FAM227B: variants seen among roughly 807,000 people sequenced by gnomAD.
FAM227B encodes the protein family with sequence similarity 227 member B, also known as protein FAM227B.
FAM227B carries 88 observed loss-of-function variants against 73.8 expected under a neutral mutation model. That is an observed-to-expected ratio of 1.19 (90% CI 1.00 to 1.42). The LOEUF is 1.42. FAM227B is among the 40% of genes most tolerant of loss of function. The probability of loss-of-function intolerance (pLI) is 0.00; values close to 1 mark genes in which losing one functional copy is unlikely to be tolerated. For missense variants in FAM227B, 632 were observed against 590.9 expected, an observed-to-expected ratio of 1.07 and a Z score of -0.72; for synonymous variants, 210 against 190.5, an observed-to-expected ratio of 1.10 and a Z score of -0.84.
intron 11 of FAM227B, among the ~76,000 whole-genome samples, chr15:49,374,430 G>A (rs1412078500): frequency 6.6e-6 from 1 of 152,164 alleles, no homozygotes; most frequent in Non-Finnish European, 1.5e-5. Flanking sequence ...AATGCCAGGA[G>A]AAATAGAGAA....
chr15:49,349,142 A>T (rs2041913898), intron 13 of FAM227B, among the ~76,000 whole-genome samples: 1 of 152,176 alleles, frequency 6.6e-6, no homozygotes, highest in Non-Finnish European at 1.5e-5. Flanking sequence ...ATTAAAAGAA[A>T]ATCCCTAACT....
chr15:49,363,220 G>A (rs77320779), intron 13 of FAM227B, among the ~76,000 whole-genome samples: 104 of 152,284 alleles, frequency 6.8e-4, no homozygotes, highest in African/African-American at 2.4e-3. Context: ...GGGCAGTATG[G>A]CCATTTAAAT....
chr15:49,370,514 T>C (rs2045737554), intron 12 of FAM227B, among the ~76,000 whole-genome samples: 1 of 152,224 alleles, frequency 6.6e-6, no homozygotes, highest in Non-Finnish European at 1.5e-5. Flanking sequence ...ATCCTTAGCC[T>C]CACTGTGAAG....
At position 49,402,460 on chromosome 15, in the gene FAM227B, T is replaced by G. The variant is rs148749093; in HGVS notation, c.1013-31061A>C. 3.2e-3 allele frequency among the ~76,000 whole-genome samples: 480 copies of G among 152,348 alleles called. 5 individuals are homozygous for G. The highest frequency in any genetic ancestry group is 0.011 in the South Asian group (52 of 4,830). On this transcript the variant is annotated intron_variant, in intron 11 of 15. Coordinates refer to ENST00000299338, the MANE Select transcript of FAM227B (RefSeq NM_152647.3). ...TGTGTCCTCCAATTTCTTTAAGCAGTCTTTTGTAGTTCTTACTGAAAAGGT... is the reference window on the plus strand; with the variant it reads ...TGTGTCCTCCAATTTCTTTAAGCAGGCTTTTGTAGTTCTTACTGAAAAGGT...
At chr15:49,456,520 T>A (rs948909243) in intron 11 of FAM227B, among the ~76,000 whole-genome samples, 1 of 152,144 alleles carries the variant, frequency 6.6e-6, no homozygotes, top group Non-Finnish European at 1.5e-5. Flanking sequence ...TTCTACTATA[T>A]GCAAGCATTC....
chr15:49,364,216 G>A lies in FAM227B; in HGVS notation c.1271+3232C>T, dbSNP rs2044728435. Among the ~76,000 whole-genome samples, 3 of 152,098 alleles carry A rather than the reference G, an allele frequency of 2.0e-5. No homozygotes were observed. The South Asian group carries it at 6.2e-4, about 32-fold the overall frequency. On this transcript the variant is annotated intron_variant, in intron 13 of 15. Transcript: ENST00000299338. Reference sequence around the variant, plus strand: ...CCAGCTCTTCTTTATATATCTGGTGGAATTCAGCTGTGAATCCATCTAGTC... The same window carrying A: ...CCAGCTCTTCTTTATATATCTGGTGAAATTCAGCTGTGAATCCATCTAGTC...
At chr15:49,351,361 C>T (rs934556369) in intron 13 of FAM227B, among the ~76,000 whole-genome samples, 13 of 152,180 alleles carry the variant, frequency 8.5e-5, no homozygotes, top group African/African-American at 2.7e-4. Flanking sequence ...AAAGAAGATA[C>T]GGCCAATTCC....
chr15:49,618,783 G>GT (rs1365439153), intron 1 of FAM227B, among the ~76,000 whole-genome samples: 3 of 152,196 alleles, frequency 2.0e-5, no homozygotes, highest in Non-Finnish European at 4.4e-5. Context: ...AGACATGGGG[G>GT]TAACAGATGA....
At chr15:49,541,431 T>A (rs1677969492) in intron 10 of FAM227B, among the ~76,000 whole-genome samples, 1 of 152,158 alleles carries the variant, frequency 6.6e-6, no homozygotes, top group Non-Finnish European at 1.5e-5. Flanking sequence ...TTCTGTGACA[T>A]TTCAGTTTTC....
intron 11 of FAM227B, among the ~76,000 whole-genome samples, chr15:49,471,127 T>A (rs1477744289): frequency 6.6e-6 from 1 of 152,092 alleles, no homozygotes; most frequent in East Asian, 1.9e-4. Flanking sequence ...AAAAACTAAT[T>A]CAGAAAGGAA....
chr15:49,439,271 G>C lies in FAM227B; in HGVS notation c.1013-67872C>G, dbSNP rs186627423. 9.7e-3 allele frequency among the ~76,000 whole-genome samples: 1,470 copies of C among 151,308 alleles called. 27 individuals carry two copies. The highest frequency in any genetic ancestry group is 0.015 in the East Asian group (77 of 5,046). On this transcript the variant is annotated intron_variant, in intron 11 of 15. Coordinates refer to ENST00000299338, the MANE Select transcript of FAM227B (RefSeq NM_152647.3). ...GCCTCCTTCAGACTGAGCAATGAGAGGGGTAGGAGAGAGAGAGAGAGAGGG... is the reference window on the plus strand; with the variant it reads ...GCCTCCTTCAGACTGAGCAATGAGACGGGTAGGAGAGAGAGAGAGAGAGGG...
At chr15:49,533,005 C>A (rs896131876) in intron 10 of FAM227B, among the ~76,000 whole-genome samples, 1 of 151,840 alleles carries the variant, frequency 6.6e-6, no homozygotes, top group Non-Finnish European at 1.5e-5. Flanking sequence ...TTGTGGTGCA[C>A]ATTTTTGTGT....
intron 11 of FAM227B, among the ~76,000 whole-genome samples, chr15:49,417,162 T>C (rs2049273460): frequency 6.6e-6 from 1 of 152,084 alleles, no homozygotes; most frequent in South Asian, 2.1e-4. Flanking sequence ...GAAGCCCAGG[T>C]AGGCAGACTG....
intron 13 of FAM227B, among the ~76,000 whole-genome samples, chr15:49,362,937 G>A (rs1200292584): frequency 6.6e-6 from 1 of 152,028 alleles, no homozygotes; most frequent in African/African-American, 2.4e-5. Flanking sequence ...GGTAGTAGGT[G>A]TGCAGCATTA....
At chr15:49,375,691 T>G (rs2046114829) in intron 11 of FAM227B, among the ~76,000 whole-genome samples, 1 of 152,096 alleles carries the variant, frequency 6.6e-6, no homozygotes, top group South Asian at 2.1e-4. Flanking sequence ...TGAAAAACAT[T>G]TTTTAAAAAT....
chr15:49,509,785 G>GT (rs2058850506), intron 10 of FAM227B, among the ~76,000 whole-genome samples: 1 of 151,986 alleles, frequency 6.6e-6, no homozygotes, highest in Admixed American at 6.6e-5. Context: ...ATCTATTCAA[G>GT]TATTTCCTAG....
At chr15:49,547,782 A>T (rs2072162906) in intron 9 of FAM227B, among the ~76,000 whole-genome samples, 1 of 152,220 alleles carries the variant, frequency 6.6e-6, no homozygotes, top group Admixed American at 6.5e-5. Context: ...TCACAATCCT[A>T]AACTTATATG....
At chr15:49,522,469 A>G (rs1262368786) in intron 10 of FAM227B, among the ~76,000 whole-genome samples, 1 of 152,212 alleles carries the variant, frequency 6.6e-6, no homozygotes, top group African/African-American at 2.4e-5. Flanking sequence ...TTCTAAAATG[A>G]CACATAAAGA....
rs1344285680 is a variant in FAM227B at position 49,359,340 on chromosome 15, C to G, written c.1271+8108G>C. ...GAGAAAATTTTCGCAACCTACTCAT[C>G]TGACAAAGGGCTAATATCCAGAATC... On this transcript the variant is annotated intron_variant, in intron 13 of 15. Transcript: ENST00000299338. Among the ~76,000 whole-genome samples the G allele has an allele frequency of 3.0e-4, 36 of 120,036 alleles. 3 individuals carry two copies. Among genetic ancestry groups the G allele is most frequent in the African/African-American group, 1.1e-3 (34 of 31,340 alleles). The allele number at this position is 120,036 out of a possible 152,430, so 78.7% of individuals were successfully genotyped here. A position where few individuals can be genotyped will look rare whatever the true frequency, so the allele number is the denominator to read the frequency against.
Sources: gnomAD v4.1 joint callset for allele counts (sites outside exome capture counted in the v4.1 genomes callset) on GRCh38, gnomAD v4.1.1 for gene constraint, MANE v1.5 for transcripts, NCBI Gene and HGNC (gene_info 2026-07-23, HGNC 2026-07-21) for gene names.